The following EPB41L3 variants were observed in gnomAD, a reference collection of about 807,000 sequenced individuals.
EPB41L3 encodes the protein band 4.1-like protein 3.
A neutral mutation model predicts 127.1 loss-of-function variants in EPB41L3; 57 were observed. The ratio of observed to expected loss-of-function variants is 0.45; its 90% CI spans 0.36 to 0.56. The LOEUF (loss-of-function observed/expected upper bound fraction) is 0.56, where lower values mean the gene tolerates loss of function less well. Ranked by LOEUF, EPB41L3 falls within the 20% of genes least tolerant of loss-of-function variation. EPB41L3 has a pLI of 0.00. For synonymous variants in EPB41L3, 572 were observed against 549.5 expected, an observed-to-expected ratio of 1.04 and a Z score of -0.57; for missense variants, 1,273 against 1,372.2, an observed-to-expected ratio of 0.93 and a Z score of 1.14.
At chr18:5,606,909 T>C (rs2094661436) in intron 3 of EPB41L3, among the ~76,000 whole-genome samples, 1 of 151,250 alleles carries the variant, frequency 6.6e-6, no homozygotes, top group African/African-American at 2.4e-5. Flanking sequence ...TCTCTCTCTC[T>C]CTCTCTGTCT....
chr18:5,562,412 C>T (rs903054151), intron 3 of EPB41L3, among the ~76,000 whole-genome samples: 19 of 152,102 alleles, frequency 1.2e-4, no homozygotes, highest in Admixed American at 1.2e-3. Flanking sequence ...GAGTAGGGAT[C>T]GTAAGTAGCT....
chr18:5,588,489 T>C (rs2094458846), intron 3 of EPB41L3, among the ~76,000 whole-genome samples: 1 of 151,446 alleles, frequency 6.6e-6, no homozygotes, highest in Admixed American at 6.6e-5. Context: ...TATATACACA[T>C]AAATATGTGT....
intron 6 of EPB41L3, among the ~76,000 whole-genome samples, chr18:5,437,822 G>T (rs1035779579): frequency 6.6e-6 from 1 of 152,154 alleles, no homozygotes; most frequent in Non-Finnish European, 1.5e-5. Context: ...TCAAGCAGAG[G>T]GAATATCAGC....
intron 3 of EPB41L3, among the ~76,000 whole-genome samples, chr18:5,591,519 C>A (rs1472631922): frequency 6.6e-6 from 1 of 152,114 alleles, no homozygotes; most frequent in Non-Finnish European, 1.5e-5. Flanking sequence ...TAAAAGGTCC[C>A]ATCTTCTAAT....
At chr18:5,532,443 T>C (rs1365499994) in intron 1 of EPB41L3, among the ~76,000 whole-genome samples, 2 of 152,258 alleles carry the variant, frequency 1.3e-5, no homozygotes, top group East Asian at 3.9e-4. Context: ...AGTCACATTT[T>C]GGCACATGCC....
intron 1 of EPB41L3, among the ~76,000 whole-genome samples, chr18:5,620,300 C>T (rs975280720): frequency 3.3e-5 from 5 of 152,160 alleles, no homozygotes; most frequent in African/African-American, 1.2e-4. Flanking sequence ...TCCTGAAACA[C>T]ACTTAGTTAT....
chr18:5,454,321 T>G (rs1423079841), intron 3 of EPB41L3, among the ~76,000 whole-genome samples: 1 of 151,668 alleles, frequency 6.6e-6, no homozygotes, highest in Admixed American at 6.6e-5. Context: ...CATAAAGCCT[T>G]AGAAAGGGCT....
At chr18:5,586,403 G>GT (rs10582883) in intron 3 of EPB41L3, among the ~76,000 whole-genome samples, 103 of 135,560 alleles carry the variant, frequency 7.6e-4, no homozygotes, top group South Asian at 7.1e-3. Context: ...TTTCTTTTTT[G>GT]TTTTTTTTTT....
intron 9 of EPB41L3, among the ~76,000 whole-genome samples, chr18:5,427,847 G>A (rs939308601): frequency 6.6e-6 from 1 of 152,066 alleles, no homozygotes; most frequent in Non-Finnish European, 1.5e-5. Flanking sequence ...CTGGGTTCAC[G>A]CCATTCTCCT....
intron 18 of EPB41L3, 73 bp from the exon 19 acceptor site, chr18:5,396,405 C>G: frequency 6.3e-7 from 1 of 1,578,748 alleles, no homozygotes; most frequent in Non-Finnish European, 8.7e-7. Flanking sequence ...CTTTTCCTCT[C>G]TTGGTGGTTA....
At chr18:5,609,237 TA>T (rs773300684) in intron 3 of EPB41L3, among the ~76,000 whole-genome samples, 1 of 152,200 alleles carries the variant, frequency 6.6e-6, no homozygotes, top group Non-Finnish European at 1.5e-5. Context: ...TTTCTTTTTT[TA>T]AATCAGCCAT....
At chr18:5,605,735 T>C (rs2094643611) in intron 3 of EPB41L3, among the ~76,000 whole-genome samples, 1 of 152,064 alleles carries the variant, frequency 6.6e-6, no homozygotes, top group Admixed American at 6.6e-5. Flanking sequence ...TCTTTCTGAT[T>C]TTAGAAAACA....
intron 19 of EPB41L3, 21 bp from the exon 20 acceptor site, chr18:5,395,728 A>T (rs776277528): frequency 6.2e-7 from 1 of 1,602,510 alleles, no homozygotes; most frequent in Admixed American, 1.7e-5. Context: ...AGAGGCATAG[A>T]CCCCTCATCC....
intron 3 of EPB41L3, among the ~76,000 whole-genome samples, chr18:5,452,341 G>A (rs539219513): frequency 6.6e-6 from 1 of 151,474 alleles, no homozygotes; most frequent in East Asian, 1.9e-4. Flanking sequence ...TTGCATTACA[G>A]TAAAATTGGT....
At chr18:5,442,973 T>C (rs184418610) in intron 5 of EPB41L3, among the ~76,000 whole-genome samples, 3 of 152,322 alleles carry the variant, frequency 2.0e-5, no homozygotes, top group Admixed American at 2.0e-4. Context: ...GATGTATTTA[T>C]ATGGCTCTTC....
rs144889883 is a variant in EPB41L3, at chr18:5,407,835, G to A, written c.2122-99C>T. ...ACATAGACTTGCTAAATGTGGGCAC[G>A]TGTACGCTCTTGCATATGGATGCCA... On this transcript the variant is annotated intron_variant, in intron 14 of 22. Coordinates refer to ENST00000341928, the MANE Select transcript of EPB41L3 (RefSeq NM_012307.5). The A allele has an allele frequency of 2.9e-5, 32 of 1,090,314 alleles. No individual in the cohort carries two copies. In the African/African-American group the frequency reaches 3.8e-4, roughly 13 times the overall value. 67.5% of individuals were successfully genotyped at this position (1,090,314 alleles called of 1,614,324 possible).
chr18:5,434,116 T>A lies in EPB41L3; in HGVS notation c.611A>T (p.Tyr204Phe). ...GTCATCTCGCAACTGCAAGCAGAGG[T>A]AGTACCTTCCAGGAACCAAAAGCAC... ...AQLSEDITRY[Y>F]LCLQLRDDIV... Residue 204 changes from tyrosine to phenylalanine, a missense_variant, in exon 7 of 23, where the codon TAC becomes TTC. Tyr to Phe is a conservative substitution (Grantham distance 22, BLOSUM62 3). Coordinates refer to ENST00000341928, the MANE Select transcript of EPB41L3 (RefSeq NM_012307.5). 1.9e-6 allele frequency: 3 copies of A among 1,613,838 alleles called. No homozygotes were observed. The highest frequency in any genetic ancestry group is 2.5e-6 in the Non-Finnish European group (3 of 1,179,900).
chr18:5,545,346 A>G (rs1181333396), upstream of EPB41L3, among the ~76,000 whole-genome samples: 1 of 152,104 alleles, frequency 6.6e-6, no homozygotes, highest in African/African-American at 2.4e-5. Flanking sequence ...GATACAGAAC[A>G]CGTGCCTCTG....
intron 3 of EPB41L3, among the ~76,000 whole-genome samples, chr18:5,465,865 C>T (rs1202231648): frequency 6.6e-6 from 1 of 151,966 alleles, no homozygotes; most frequent in African/African-American, 2.4e-5. Flanking sequence ...CATGAAATTC[C>T]TGTAGATATT....
Sources: allele counts gnomAD v4.1 joint callset (sites outside exome capture counted in the v4.1 genomes callset), GRCh38; gene constraint gnomAD v4.1.1; transcripts MANE v1.5; gene names NCBI Gene and HGNC (gene_info 2026-07-23, HGNC 2026-07-21).